The following ERBB4 variants were observed in gnomAD, a reference collection of about 807,000 sequenced individuals.
ERBB4 encodes erb-b2 receptor tyrosine kinase 4, also known as receptor tyrosine-protein kinase erbB-4.
Under a neutral mutation model 158.0 loss-of-function variants are expected in ERBB4, and 42 were observed. The observed-to-expected ratio is 0.27, with a 90% confidence interval of 0.21 to 0.34. ERBB4 has a LOEUF of 0.34. Among genes scored for constraint, ERBB4 ranks in the 10% least tolerant of loss-of-function variants. The probability of loss-of-function intolerance (pLI) is 1.00; values close to 1 mark genes in which losing one functional copy is unlikely to be tolerated. For synonymous variants in ERBB4, 583 were observed against 558.7 expected, an observed-to-expected ratio of 1.04 and a Z score of -0.61; for missense variants, 1,333 against 1,624.1, an observed-to-expected ratio of 0.82 and a Z score of 3.08.
At chr2:212,245,414 T>C (rs1173488003) in intron 1 of ERBB4, among the ~76,000 whole-genome samples, 1 of 152,166 alleles carries the variant, frequency 6.6e-6, no homozygotes, top group African/African-American at 2.4e-5. Flanking sequence ...GATAATCGAA[T>C]GGAAGCTATC....
At chr2:212,104,812 CA>C (rs2079178287) in intron 2 of ERBB4, among the ~76,000 whole-genome samples, 1 of 151,960 alleles carries the variant, frequency 6.6e-6, no homozygotes, top group African/African-American at 2.4e-5. Context: ...ATTTTTATTT[CA>C]AAATTGAAAA....
At chr2:211,877,003 G>A (rs2078521129) in intron 3 of ERBB4, among the ~76,000 whole-genome samples, 1 of 152,040 alleles carries the variant, frequency 6.6e-6, no homozygotes, top group Non-Finnish European at 1.5e-5. Flanking sequence ...TGAGGCAAAG[G>A]CTCATAACTT....
intron 1 of ERBB4, among the ~76,000 whole-genome samples, chr2:212,513,921 G>T (rs935200276): frequency 6.6e-6 from 1 of 152,186 alleles, no homozygotes; most frequent in Non-Finnish European, 1.5e-5. Flanking sequence ...ACTCTAAAGT[G>T]TATGTTTTAG....
At chr2:211,795,349 A>G (rs2076361592) in intron 3 of ERBB4, among the ~76,000 whole-genome samples, 1 of 151,788 alleles carries the variant, frequency 6.6e-6, no homozygotes, top group African/African-American at 2.4e-5. Flanking sequence ...TGATGGGTTT[A>G]TTGTACTCAC....
chr2:212,492,417 A>G (rs1690331654), intron 1 of ERBB4, among the ~76,000 whole-genome samples: 1 of 151,482 alleles, frequency 6.6e-6, no homozygotes, highest in Non-Finnish European at 1.5e-5. Flanking sequence ...AATAATTTTC[A>G]AACTCCATAA....
At chr2:211,484,719 GA>G (rs1553544815) in intron 20 of ERBB4, among the ~76,000 whole-genome samples, 1 of 152,080 alleles carries the variant, frequency 6.6e-6, no homozygotes, top group Non-Finnish European at 1.5e-5. Context: ...AACCAAGAGT[GA>G]AAAGAACTAC....
At chr2:212,028,600 C>T (rs1467363094) in intron 2 of ERBB4, among the ~76,000 whole-genome samples, 1 of 152,046 alleles carries the variant, frequency 6.6e-6, no homozygotes, top group African/African-American at 2.4e-5. Flanking sequence ...GGTCAGCTAC[C>T]ACTAAAAAGC....
intron 25 of ERBB4, among the ~76,000 whole-genome samples, chr2:211,406,853 GGTAGATT>G (rs2063157807): frequency 6.6e-6 from 1 of 152,128 alleles, no homozygotes; most frequent in Admixed American, 6.5e-5. Context: ...GGCCAAGGTG[GGTAGATT>G]GCTTGAGCCC....
At chr2:212,324,472 G>T (rs5838317) in intron 1 of ERBB4, among the ~76,000 whole-genome samples, 1 of 1,884 alleles carries the variant, frequency 5.3e-4, no homozygotes, top group Non-Finnish European at 1.4e-3. Flanking sequence ...GGAGCAGCGG[G>T]TTTTTTGTTT....
intron 1 of ERBB4, among the ~76,000 whole-genome samples, chr2:212,421,858 G>A (rs2091799794): frequency 6.6e-6 from 1 of 152,144 alleles, no homozygotes; most frequent in Non-Finnish European, 1.5e-5. Context: ...CCACTAAAGT[G>A]AATCAATGTG....
At chr2:211,772,944 TA>T (rs2075750717) in intron 4 of ERBB4, among the ~76,000 whole-genome samples, 3 of 88,998 alleles carry the variant, frequency 3.4e-5, no homozygotes, top group African/African-American at 1.9e-4. Context: ...TATATATATA[TA>T]TATATATATA....
intron 1 of ERBB4, among the ~76,000 whole-genome samples, chr2:212,529,951 G>A (rs1692659528): frequency 6.6e-6 from 1 of 152,192 alleles, no homozygotes; most frequent in Non-Finnish European, 1.5e-5. Flanking sequence ...TATTGACTAG[G>A]TCAGTCTGGT....
chr2:211,440,622 T>C (rs2063952810), intron 20 of ERBB4, among the ~76,000 whole-genome samples: 1 of 152,158 alleles, frequency 6.6e-6, no homozygotes, highest in African/African-American at 2.4e-5. Flanking sequence ...TATATACAAT[T>C]TTCCTTCTTA....
Position 211,624,039 on chromosome 2 carries a change from C to T in ERBB4, c.2085G>A (p.Val695=). 6.2e-7 allele frequency: 1 copy of T among 1,614,054 alleles called. No individual in the cohort carries two copies. Among genetic ancestry groups the T allele is most frequent in the Non-Finnish European group, 8.5e-7 (1 of 1,179,982 alleles). Residue 695 remains valine (V), a synonymous_variant, in exon 18 of 28, where the codon GTG becomes GTA. Transcript: ENST00000342788. The part of the protein sequence containing the change: ...ALRRFLETEL[V]EPLTPSGTAP... ...CTGTGCCACTGGGAGTTAATGGTTC[C>T]ACCAACTGCAAAGCGGAAAGAAGAA... is the stretch of plus-strand genomic sequence containing the variant.
intron 25 of ERBB4, among the ~76,000 whole-genome samples, chr2:211,415,106 T>TG (rs2063354357): frequency 1.5e-5 from 2 of 130,430 alleles, no homozygotes; most frequent in African/African-American, 5.6e-5. Flanking sequence ...ACTTACATTT[T>TG]CTTTTTTTTT....
intron 3 of ERBB4, among the ~76,000 whole-genome samples, chr2:211,853,579 T>C (rs1360811175): frequency 6.6e-6 from 1 of 152,004 alleles, no homozygotes; most frequent in Non-Finnish European, 1.5e-5. Context: ...TACACACTCT[T>C]GAGTGATATG....
At chr2:212,469,715 TA>T (rs1361265360) in intron 1 of ERBB4, among the ~76,000 whole-genome samples, 2 of 152,158 alleles carry the variant, frequency 1.3e-5, no homozygotes, top group East Asian at 1.9e-4. Context: ...CCAAACAGTA[TA>T]TTTTTTTAAC....
At chr2:211,536,944 C>CAA (rs551632339) in intron 20 of ERBB4, among the ~76,000 whole-genome samples, 1 of 149,428 alleles carries the variant, frequency 6.7e-6, no homozygotes, top group African/African-American at 2.5e-5. Context: ...CAAAACAAAA[C>CAA]AAAAAAAAAC....
intron 1 of ERBB4, among the ~76,000 whole-genome samples, chr2:212,463,213 C>T (rs1042637566): frequency 3.4e-4 from 52 of 151,854 alleles, no homozygotes; most frequent in African/African-American, 1.2e-3. Flanking sequence ...CTATAGTTAA[C>T]GACAATTATA....
Sources: allele counts gnomAD v4.1 joint callset (sites outside exome capture counted in the v4.1 genomes callset), GRCh38; gene constraint gnomAD v4.1.1; transcripts MANE v1.5; gene names NCBI Gene and HGNC (gene_info 2026-07-23, HGNC 2026-07-21).